The following YWHAH variants were observed in gnomAD, a reference collection of about 807,000 sequenced individuals.
YWHAH encodes the protein tyrosine 3-monooxygenase/tryptophan 5-monooxygenase activation protein eta.
Under a neutral mutation model 22.9 loss-of-function variants are expected in YWHAH, and 6 were observed. That is an observed-to-expected ratio of 0.26 (90% CI 0.14 to 0.52). The LOEUF (loss-of-function observed/expected upper bound fraction) is 0.52, where lower values mean the gene tolerates loss of function less well. Ranked by LOEUF, YWHAH falls within the 20% of genes least tolerant of loss-of-function variation. The probability of loss-of-function intolerance (pLI) is 0.97; values close to 1 mark genes in which losing one functional copy is unlikely to be tolerated. For missense variants in YWHAH, 173 were observed against 308.6 expected (o/e 0.56, Z 3.29); for synonymous variants, 135 against 124.5 (o/e 1.08, Z -0.56).
At chr22:31,949,624 A>C (rs139021311) in intron 1 of YWHAH, among the ~76,000 whole-genome samples, 25 of 152,148 alleles carry the variant, frequency 1.6e-4, no homozygotes, top group Non-Finnish European at 2.8e-4. Flanking sequence ...CAGCCTCCCA[A>C]GTAGCTGGGA....
rs1305286097 is a variant in YWHAH at position 31,944,631 on chromosome 22, T to G, written c.-103T>G. The G allele has an allele frequency of 2.2e-6, 2 of 905,460 alleles. No homozygotes were observed. The highest frequency in any genetic ancestry group is 1.8e-5 in the African/African-American group (1 of 55,954). The allele number at this position is 905,460 out of a possible 1,614,324, so 56.1% of individuals were successfully genotyped here. A position where few individuals can be genotyped will look rare whatever the true frequency, so the allele number is the denominator to read the frequency against. ...CGGCCGGCCGGCGAGCCAGTGCGCG[T>G]GCGCGGCGGCGGCCTCCGCAGCGAC... On this transcript the variant is annotated 5_prime_UTR_variant, in exon 1 of 2. Transcript: ENST00000248975.
intron 1 of YWHAH, among the ~76,000 whole-genome samples, chr22:31,952,697 T>G (rs753162857): frequency 6.6e-6 from 1 of 152,214 alleles, no homozygotes; most frequent in Non-Finnish European, 1.5e-5. Context: ...ACATAAACAC[T>G]AATACTCCCA....
intron 1 of YWHAH, among the ~76,000 whole-genome samples, chr22:31,949,424 G>T (rs1212556165): frequency 2.0e-5 from 3 of 152,024 alleles, no homozygotes; most frequent in African/African-American, 7.2e-5. Flanking sequence ...GATTACAGGC[G>T]TGAGCCACTG....
chr22:31,948,433 G>C (rs997973974), intron 1 of YWHAH, among the ~76,000 whole-genome samples: 4 of 151,780 alleles, frequency 2.6e-5, no homozygotes, highest in Admixed American at 6.6e-5. Flanking sequence ...CTGGAACCCA[G>C]GCTGGAGTGC....
rs1275882828 is a variant in YWHAH, at chr22:31,944,604, T to TCCGG, written c.-120_-117dup. The TCCGG allele has an allele frequency of 5.2e-6, 3 of 581,480 alleles. No homozygotes were observed. The highest frequency in any genetic ancestry group is 5.9e-5 in the East Asian group (1 of 17,004). 36.0% of individuals were successfully genotyped at this position (581,480 alleles called of 1,614,324 possible). ...TGCCTGCAGCCTGCAGCCTGCAGCC[T>TCCGG]CCGGCCGGCCGGCGAGCCAGTGCGC... On this transcript the variant is annotated 5_prime_UTR_variant, in exon 1 of 2. Transcript: ENST00000248975.
At chr22:31,955,777 G>A (rs963853265) in intron 1 of YWHAH, among the ~76,000 whole-genome samples, 4 of 152,100 alleles carry the variant, frequency 2.6e-5, no homozygotes, top group Non-Finnish European at 4.4e-5. Flanking sequence ...GCTGAAGCTC[G>A]AGGTTTTCTT....
rs1009011535 is a variant in YWHAH at position 31,950,248 on chromosome 22, AT to A, written c.87+5433del. On this transcript the variant is annotated intron_variant, in intron 1 of 1. Transcript: ENST00000248975. ...TGTTTCTCCATATTGCCTTTAATGTATTTTTCTCCCTGCACCCTTTAGTATA... is the reference window on the plus strand; with the variant it reads ...TGTTTCTCCATATTGCCTTTAATGTATTTTCTCCCTGCACCCTTTAGTATA... The A allele has an allele frequency of 5.3e-6, 4 of 748,248 alleles. No homozygotes were observed. In the African/African-American group the frequency reaches 6.9e-5, roughly 13 times the overall value. The allele number at this position is 748,248 out of a possible 1,614,324, so 46.4% of individuals were successfully genotyped here. A position where few individuals can be genotyped will look rare whatever the true frequency, so the allele number is the denominator to read the frequency against.
chr22:31,950,076 C>CTTTTTTTTTTTTTTTTT lies in YWHAH; in HGVS notation c.87+5278_87+5294dup, dbSNP rs557406783. Among the ~76,000 whole-genome samples the CTTTTTTTTTTTTTTTTT allele has an allele frequency of 4.7e-5, 2 of 42,192 alleles. 1 individual carries two copies. Among genetic ancestry groups the CTTTTTTTTTTTTTTTTT allele is most frequent in the Non-Finnish European group, 9.8e-5 (2 of 20,410 alleles). 27.7% of individuals were successfully genotyped at this position (42,192 alleles called of 152,430 possible). ...TTGCTTGTTCTGAAGGCTTGGAGGC[C>CTTTTTTTTTTTTTTTTT]TTTTTTTTTTTTTTTTTTTTTTTTT... On this transcript the variant is annotated intron_variant, in intron 1 of 1. Coordinates refer to ENST00000248975, the MANE Select transcript of YWHAH (RefSeq NM_003405.4).
chr22:31,950,563 TCA>T (rs2093841932), intron 1 of YWHAH: 2 of 512,844 alleles, frequency 3.9e-6, no homozygotes, highest in Non-Finnish European at 7.0e-6. Context: ...ATGAAAATGT[TCA>T]GTTATGTCAA....
In YWHAH at chr22:31,956,664, A is replaced by G. The variant is rs1286224153; in HGVS notation, c.613A>G (p.Ile205Val). The change falls in exon 2 of 2, where the codon ATA (isoleucine) becomes GTA (valine). Residue 205 changes from isoleucine to valine, a missense_variant. Physicochemically the swap from Ile to Val is conservative, Grantham distance 29. Transcript: ENST00000248975. The surrounding 1 kb of genome is among the most constrained non-coding windows in gnomAD (Gnocchi z 5.1). The stretch of plus-strand genomic sequence containing the variant: ...AGCCAAACAAGCCTTCGATGATGCC[A>G]TAGCTGAGCTGGACACACTAAACGA... ...LLAKQAFDDA[I>V]AELDTLNEDS... 2 of 1,614,062 alleles carry G rather than the reference A, an allele frequency of 1.2e-6. No individual in the cohort carries two copies. The highest frequency in any genetic ancestry group is 1.3e-5 in the African/African-American group (1 of 74,928).
At chr22:31,949,209 G>T (rs540849533) in intron 1 of YWHAH, among the ~76,000 whole-genome samples, 5 of 137,918 alleles carry the variant, frequency 3.6e-5, no homozygotes, top group Non-Finnish European at 7.5e-5. Context: ...GAGCAATCTC[G>T]GCTCTCTGCA....
intron 1 of YWHAH, among the ~76,000 whole-genome samples, chr22:31,946,497 G>T (rs1292025480): frequency 6.6e-6 from 1 of 152,066 alleles, no homozygotes; most frequent in Non-Finnish European, 1.5e-5. Flanking sequence ...ACATTTTCAT[G>T]AAGTGGTTGC....
intron 1 of YWHAH, among the ~76,000 whole-genome samples, chr22:31,954,561 T>C (rs972966623): frequency 1.3e-5 from 2 of 152,150 alleles, no homozygotes; most frequent in African/African-American, 4.8e-5. Context: ...ATGTATTCTC[T>C]CATAGTTCTG....
chr22:31,950,907 GT>G (rs951428063), intron 1 of YWHAH, among the ~76,000 whole-genome samples: 1 of 151,822 alleles, frequency 6.6e-6, no homozygotes, highest in African/African-American at 2.4e-5. Context: ...CTCATTTTTT[GT>G]TTTTTTGAGA....
In YWHAH at chr22:31,956,860, C is replaced by A. The variant is rs1489068257; in HGVS notation, c.*68C>A. 9 of 1,481,214 alleles carry A rather than the reference C, an allele frequency of 6.1e-6. No individual in the cohort carries two copies. The highest frequency in any genetic ancestry group is 8.1e-6 in the Non-Finnish European group (9 of 1,113,448). 91.8% of individuals were successfully genotyped at this position (1,481,214 alleles called of 1,614,324 possible). On this transcript the variant is annotated 3_prime_UTR_variant, in exon 2 of 2. Coordinates refer to ENST00000248975, the MANE Select transcript of YWHAH (RefSeq NM_003405.4). This position sits in a 1 kb window ranked among gnomAD's most constrained non-coding sequence, Gnocchi z 5.1. ...CATCATCACCGATTCTTCCTTGCCACAATCACTAAATATCTAGTGCTAAAC... is the reference window on the plus strand; with the variant it reads ...CATCATCACCGATTCTTCCTTGCCAAAATCACTAAATATCTAGTGCTAAAC...
Position 31,944,618 on chromosome 22 carries a change from G to A in YWHAH, c.-116G>A, listed in dbSNP as rs573950800. On this transcript the variant is annotated 5_prime_UTR_variant, in exon 1 of 2. Coordinates refer to ENST00000248975, the MANE Select transcript of YWHAH (RefSeq NM_003405.4). Reference sequence around the variant, plus strand: ...AGCCTGCAGCCTCCGGCCGGCCGGCGAGCCAGTGCGCGTGCGCGGCGGCGG... The same window carrying A: ...AGCCTGCAGCCTCCGGCCGGCCGGCAAGCCAGTGCGCGTGCGCGGCGGCGG... 287 of 771,896 alleles carry A rather than the reference G, an allele frequency of 3.7e-4. 1 individual carries two copies. The African/African-American group carries it at 4.4e-3, about 12-fold the overall frequency. 47.8% of individuals were successfully genotyped at this position (771,896 alleles called of 1,614,324 possible). A position where few individuals can be genotyped will look rare whatever the true frequency, so the allele number is the denominator to read the frequency against.
At chr22:31,952,313 G>A (rs1199216852) in intron 1 of YWHAH, among the ~76,000 whole-genome samples, 1 of 152,124 alleles carries the variant, frequency 6.6e-6, no homozygotes, top group African/African-American at 2.4e-5. Flanking sequence ...TAGTTCTCCT[G>A]GCTCCTGTAT....
intron 1 of YWHAH, among the ~76,000 whole-genome samples, chr22:31,952,973 T>A (rs1409592862): frequency 6.6e-6 from 1 of 152,256 alleles, no homozygotes; most frequent in Non-Finnish European, 1.5e-5. Flanking sequence ...TAAGGTCACA[T>A]AGCTAGCTCA....
intron 1 of YWHAH, among the ~76,000 whole-genome samples, chr22:31,948,416 T>G (rs4821001): frequency 6.6e-6 from 1 of 151,274 alleles, no homozygotes; most frequent in Non-Finnish European, 1.5e-5. Context: ...AAAGAGATGG[T>G]CTCGTTCTGG....
Sources: allele counts gnomAD v4.1 joint callset (sites outside exome capture counted in the v4.1 genomes callset), GRCh38; gene constraint gnomAD v4.1.1; non-coding constraint Gnocchi (gnomAD v3.1); transcripts MANE v1.5; gene names NCBI Gene and HGNC (gene_info 2026-07-23, HGNC 2026-07-21).